The following ZNF609 variants were observed in gnomAD, a reference collection of about 807,000 sequenced individuals.
ZNF609 encodes zinc finger protein 609.
ZNF609 carries 11 observed loss-of-function variants against 109.5 expected under a neutral mutation model. The observed-to-expected ratio is 0.10, with a 90% CI of 0.06 to 0.17. The LOEUF is 0.17. ZNF609 is among the 10% of genes least tolerant of loss of function. ZNF609 has a pLI of 1.00. For missense variants in ZNF609, 1,559 were observed against 1,772.4 expected (o/e 0.88, Z 2.16); for synonymous variants, 646 against 662.0 (o/e 0.98, Z 0.37).
At chr15:64,556,090 A>T (rs1894581662) in intron 2 of ZNF609, among the ~76,000 whole-genome samples, 1 of 151,210 alleles carries the variant, frequency 6.6e-6, no homozygotes. Context: ...TCCCAGGCTC[A>T]AGTAATCCTC....
At chr15:64,542,766 C>T (rs1195665118) in intron 2 of ZNF609, among the ~76,000 whole-genome samples, 1 of 152,166 alleles carries the variant, frequency 6.6e-6, no homozygotes, top group Non-Finnish European at 1.5e-5. Context: ...TCTCTCCATC[C>T]CCACTTTCTC....
intron 2 of ZNF609, 198 bp downstream of exon 2, chr15:64,500,364 G>C (rs558038474): frequency 2.5e-6 from 2 of 804,534 alleles, no homozygotes; most frequent in East Asian, 5.3e-5. Flanking sequence ...TTTACAGCAG[G>C]CCTGGACATT....
intron 3 of ZNF609, among the ~76,000 whole-genome samples, chr15:64,627,663 C>T (rs200406175): frequency 3.5e-4 from 30 of 86,008 alleles, no homozygotes; most frequent in African/African-American, 5.6e-4. Flanking sequence ...TTTTTTCTTT[C>T]TTTTTTTTTT....
chr15:64,527,601 A>G (rs139969529), intron 2 of ZNF609, among the ~76,000 whole-genome samples: 208 of 152,236 alleles, frequency 1.4e-3, no homozygotes, highest in Non-Finnish European at 2.6e-3. Flanking sequence ...GTTGTCCCAA[A>G]TGTACTTCAA....
At chr15:64,614,375 G>A (rs1042915002) in intron 2 of ZNF609, among the ~76,000 whole-genome samples, 13 of 151,890 alleles carry the variant, frequency 8.6e-5, no homozygotes, top group East Asian at 1.9e-4. Flanking sequence ...GAATACAGGC[G>A]ACTGCCACAA....
chr15:64,523,591 C>A (rs1893924649), intron 2 of ZNF609, among the ~76,000 whole-genome samples: 1 of 151,912 alleles, frequency 6.6e-6, no homozygotes, highest in Non-Finnish European at 1.5e-5. Flanking sequence ...CATCGTGAAA[C>A]CCTGTCTCTA....
chr15:64,611,359 G>A (rs1044972254), intron 2 of ZNF609, among the ~76,000 whole-genome samples: 1 of 152,180 alleles, frequency 6.6e-6, no homozygotes, highest in Non-Finnish European at 1.5e-5. Context: ...AGAAGACTTA[G>A]GGAAGAGCAA....
At chr15:64,518,441 C>T (rs1893845764) in intron 2 of ZNF609, among the ~76,000 whole-genome samples, 1 of 152,138 alleles carries the variant, frequency 6.6e-6, no homozygotes, top group Non-Finnish European at 1.5e-5. Flanking sequence ...TAAGATGAGG[C>T]TGGAGTGCTA....
intron 2 of ZNF609, among the ~76,000 whole-genome samples, chr15:64,509,321 A>T (rs1378031995): frequency 6.6e-6 from 1 of 152,208 alleles, no homozygotes; most frequent in South Asian, 2.1e-4. Flanking sequence ...AAATAATAGT[A>T]CTGACCTCAT....
intron 2 of ZNF609, among the ~76,000 whole-genome samples, chr15:64,558,938 G>A (rs1454707851): frequency 6.6e-6 from 1 of 150,838 alleles, no homozygotes; most frequent in South Asian, 2.1e-4. Context: ...CCTTTCATCT[G>A]GACCTTGACC....
chr15:64,529,790 G>T (rs568169022), intron 2 of ZNF609: 1 of 474,590 alleles, frequency 2.1e-6, no homozygotes, highest in Admixed American at 2.8e-5. Flanking sequence ...GAGTGCAATG[G>T]TGCAACCTCG....
At chr15:64,558,091 A>G (rs1406502673) in intron 2 of ZNF609, among the ~76,000 whole-genome samples, 1 of 152,190 alleles carries the variant, frequency 6.6e-6, no homozygotes, top group East Asian at 1.9e-4. Context: ...ACTGTAATTC[A>G]AGGTGTAAGT....
At chr15:64,478,422 G>C (rs1893202948) in intron 1 of ZNF609, among the ~76,000 whole-genome samples, 1 of 152,006 alleles carries the variant, frequency 6.6e-6, no homozygotes, top group African/African-American at 2.4e-5. Flanking sequence ...CCAGGCTGTG[G>C]TGCATTGTTG....
At chr15:64,613,952 C>T (rs562694711) in intron 2 of ZNF609, among the ~76,000 whole-genome samples, 2 of 151,754 alleles carry the variant, frequency 1.3e-5, no homozygotes, top group African/African-American at 2.4e-5. Context: ...TTGAGACAGT[C>T]TTGCTCTATC....
chr15:64,532,342 CT>C (rs1201652142), intron 2 of ZNF609, among the ~76,000 whole-genome samples: 2 of 152,112 alleles, frequency 1.3e-5, no homozygotes, highest in Non-Finnish European at 2.9e-5. Context: ...TATTATCTAT[CT>C]GCTAGAATGT....
chr15:64,516,617 A>G (rs1893815323), intron 2 of ZNF609, among the ~76,000 whole-genome samples: 1 of 152,122 alleles, frequency 6.6e-6, no homozygotes, highest in East Asian at 1.9e-4. Context: ...AGCTCAAATG[A>G]TCCTCCTGCC....
At position 64,675,731 on chromosome 15, in the gene ZNF609, G is replaced by A. The variant is rs529856851; in HGVS notation, c.2877G>A (p.Ser959=). The A allele has an allele frequency of 1.2e-5, 19 of 1,614,152 alleles. No individual in the cohort carries two copies. Among genetic ancestry groups the A allele is most frequent in the Admixed American group, 1.7e-5 (1 of 60,014 alleles). ...TGAGCAGTTCCAGTCAGCAGCCCTC[G>A]GTCATCCAGCAGCGTCCCAATATGT... ...PELSSSSQQP[S]VIQQRPNMYM... is the part of the protein sequence containing the mutation. The change falls in exon 5 of 10, where the codon TCG becomes TCA. Residue 959 remains serine (S), a synonymous_variant. Coordinates refer to ENST00000326648, the MANE Select transcript of ZNF609 (RefSeq NM_015042.2).
chr15:64,545,794 TTAATA>T (rs1433503753), intron 2 of ZNF609, among the ~76,000 whole-genome samples: 1 of 152,238 alleles, frequency 6.6e-6, no homozygotes, highest in Non-Finnish European at 1.5e-5. Flanking sequence ...CTTCTTTCAC[TTAATA>T]TAATCTCCTT....
intron 2 of ZNF609, among the ~76,000 whole-genome samples, chr15:64,518,977 A>G (rs1893853968): frequency 1.3e-5 from 2 of 152,032 alleles, no homozygotes; most frequent in Admixed American, 6.6e-5. Flanking sequence ...TCTAGGGCAT[A>G]CGGTTTAGTA....
Sources: allele counts gnomAD v4.1 joint callset (sites outside exome capture counted in the v4.1 genomes callset), GRCh38; gene constraint gnomAD v4.1.1; transcripts MANE v1.5; gene names NCBI Gene and HGNC (gene_info 2026-07-23, HGNC 2026-07-21).